CHRNA5: variants seen among roughly 807,000 people sequenced by gnomAD.
CHRNA5 encodes the protein cholinergic receptor nicotinic alpha 5 subunit, also known as neuronal acetylcholine receptor subunit alpha-5.
A neutral mutation model predicts 41.2 loss-of-function variants in CHRNA5; 28 were observed. The observed-to-expected ratio is 0.68, with a 90% CI of 0.50 to 0.93. The LOEUF (loss-of-function observed/expected upper bound fraction) is 0.93. Among genes scored for constraint, CHRNA5 ranks in the 40% least tolerant of loss-of-function variants. CHRNA5 has a pLI of 0.00. For missense variants in CHRNA5, 481 were observed against 581.9 expected (o/e 0.83, Z 1.78); for synonymous variants, 188 against 205.8 (o/e 0.91, Z 0.74).
At chr15:78,571,334 T>C (rs138691492) in intron 1 of CHRNA5, among the ~76,000 whole-genome samples, 1,831 of 152,320 alleles carry the variant, frequency 0.012, 33 homozygotes, top group African/African-American at 0.04. Context: ...ACAAAGCAGC[T>C]GTCTTCACTT....
intron 1 of CHRNA5, among the ~76,000 whole-genome samples, chr15:78,566,370 C>T (rs1037163758): frequency 4.6e-5 from 7 of 152,134 alleles, no homozygotes; most frequent in Admixed American, 3.9e-4. Context: ...CGGGGCTAAT[C>T]GTTTGCATCC....
At chr15:78,593,043 T>C in intron 5 of CHRNA5, 49 bp from the exon 6 acceptor site, 2 of 1,580,462 alleles carry the variant, frequency 1.3e-6, no homozygotes, top group Non-Finnish European at 1.7e-6. Flanking sequence ...TCTTAAAATA[T>C]GTACACAATT....
exon 1 of CHRNA5, chr15:78,565,536 C>A (rs980289571): frequency 9.5e-6 from 2 of 209,582 alleles, no homozygotes. Context: ...GTCCCGAGCC[C>A]GCCAGAAGCT....
At chr15:78,581,470 A>G (rs1364397633) in intron 2 of CHRNA5, among the ~76,000 whole-genome samples, 1 of 152,216 alleles carries the variant, frequency 6.6e-6, no homozygotes, top group Non-Finnish European at 1.5e-5. Context: ...AAGAGATCCT[A>G]TCTATTTAAA....
At chr15:78,572,624 C>T (rs1012050103) in intron 1 of CHRNA5, among the ~76,000 whole-genome samples, 2 of 152,080 alleles carry the variant, frequency 1.3e-5, no homozygotes, top group Non-Finnish European at 2.9e-5. Context: ...GCTGGGATTA[C>T]AGGCATGCAC....
intron 2 of CHRNA5, among the ~76,000 whole-genome samples, chr15:78,585,290 A>G (rs994746265): frequency 2.4e-4 from 37 of 152,240 alleles, no homozygotes; most frequent in African/African-American, 8.9e-4. Context: ...TGCATTTCCC[A>G]GTACTCATTC....
intron 5 of CHRNA5, among the ~76,000 whole-genome samples, chr15:78,592,502 G>C (rs1044657352): frequency 2.0e-5 from 3 of 152,152 alleles, no homozygotes; most frequent in African/African-American, 7.2e-5. Flanking sequence ...TAGTGGCTGG[G>C]CTCATCCTTC....
At chr15:78,595,168 G>A in exon 6 of CHRNA5, 2 of 421,148 alleles carry the variant, frequency 4.7e-6, no homozygotes, top group Non-Finnish European at 6.4e-6. Flanking sequence ...GATGAATTTA[G>A]ATTGCCTGCC....
In CHRNA5 at chr15:78,586,704, T is replaced by A; in HGVS notation, c.303+15T>A. ...GGTTGAAACAGGTATGTGTGTAAAA[T>A]TCAAACGGGCACCCAATTAGTGACT... On this transcript the variant is annotated intron_variant, in intron 3 of 5. Transcript: ENST00000299565. 6.3e-7 allele frequency: 1 copy of A among 1,593,470 alleles called. No individual in the cohort carries two copies. Among genetic ancestry groups the A allele is most frequent in the South Asian group, 1.1e-5 (1 of 87,474 alleles).
chr15:78,578,766 T>G (rs188181677), intron 1 of CHRNA5, among the ~76,000 whole-genome samples: 1 of 152,238 alleles, frequency 6.6e-6, no homozygotes, highest in East Asian at 1.9e-4. Flanking sequence ...CACTTGCTAC[T>G]GTAATCCTTA....
intron 1 of CHRNA5, among the ~76,000 whole-genome samples, chr15:78,571,606 C>T (rs1437027131): frequency 1.6e-5 from 2 of 122,582 alleles, no homozygotes; most frequent in Non-Finnish European, 3.2e-5. Flanking sequence ...TTGAAGTGTA[C>T]AAGTTGTCTC....
intron 5 of CHRNA5, among the ~76,000 whole-genome samples, chr15:78,591,885 T>A (rs514743): frequency 0.69 from 105,146 of 152,106 alleles, 36,753 homozygotes; most frequent in East Asian, 0.82. Flanking sequence ...GGAGCTATCA[T>A]TGGAGTTTTT....
At chr15:78,579,122 C>T (rs2052885941) in intron 1 of CHRNA5, among the ~76,000 whole-genome samples, 1 of 151,512 alleles carries the variant, frequency 6.6e-6, no homozygotes, top group Non-Finnish European at 1.5e-5. Flanking sequence ...TTTAATGGCA[C>T]ATGTTTCCTG....
At chr15:78,567,788 A>C (rs547177886) in intron 1 of CHRNA5, among the ~76,000 whole-genome samples, 1 of 152,236 alleles carries the variant, frequency 6.6e-6, no homozygotes, top group South Asian at 2.1e-4. Flanking sequence ...TTCCACCTTG[A>C]AAATTATAAG....
At chr15:78,577,660 C>T (rs1596058914) in intron 1 of CHRNA5, among the ~76,000 whole-genome samples, 1 of 152,104 alleles carries the variant, frequency 6.6e-6, no homozygotes, top group South Asian at 2.1e-4. Flanking sequence ...AGGCTGGGTG[C>T]AGTGACTCAC....
chr15:78,587,149 T>A (rs571809158), intron 3 of CHRNA5, among the ~76,000 whole-genome samples: 1 of 152,238 alleles, frequency 6.6e-6, no homozygotes, highest in East Asian at 1.9e-4. Flanking sequence ...GAACTGCCCT[T>A]TATAAAACCA....
intron 5 of CHRNA5, 153 bp downstream of exon 5, chr15:78,590,789 C>G: frequency 3.0e-6 from 2 of 661,316 alleles, no homozygotes. Flanking sequence ...TATAAAAGAT[C>G]TTTACTAAGG....
At chr15:78,570,419 C>T (rs778316036) in intron 1 of CHRNA5, among the ~76,000 whole-genome samples, 155 of 82,412 alleles carry the variant, frequency 1.9e-3, no homozygotes, top group Admixed American at 6.8e-3. Context: ...CCACCAATCC[C>T]GGCTATTTTT....
chr15:78,566,728 C>T (rs1450431061), intron 1 of CHRNA5, among the ~76,000 whole-genome samples: 2 of 152,106 alleles, frequency 1.3e-5, no homozygotes, highest in Non-Finnish European at 2.9e-5. Flanking sequence ...ATCTATGGCT[C>T]CTGATTTTAG....
Sources: allele counts gnomAD v4.1 joint callset (sites outside exome capture counted in the v4.1 genomes callset), GRCh38; gene constraint gnomAD v4.1.1; transcripts MANE v1.5; gene names NCBI Gene and HGNC (gene_info 2026-07-23, HGNC 2026-07-21).